Variants in MAGI2 observed in about 807,000 individuals in gnomAD.
MAGI2 encodes the protein membrane associated guanylate kinase, WW and PDZ domain containing 2, also known as membrane-associated guanylate kinase, WW and PDZ domain-containing protein 2.
Under a neutral mutation model 133.3 loss-of-function variants are expected in MAGI2, and 35 were observed. That is an observed-to-expected ratio of 0.26 (90% confidence interval 0.20 to 0.35). The LOEUF (loss-of-function observed/expected upper bound fraction) is 0.35. Among genes scored for constraint, MAGI2 ranks in the 10% least tolerant of loss-of-function variants. The probability of loss-of-function intolerance (pLI) is 1.00; values close to 1 mark genes in which losing one functional copy is unlikely to be tolerated. For missense variants in MAGI2, 1,636 were observed against 1,863.4 expected (o/e 0.88, Z 2.25); for synonymous variants, 729 against 710.6 (o/e 1.03, Z -0.41).
chr7:78,630,711 G>A (rs1211821151), intron 2 of MAGI2, among the ~76,000 whole-genome samples: 4 of 151,792 alleles, frequency 2.6e-5, no homozygotes, highest in African/African-American at 4.8e-5. Context: ...CACTGCGCCC[G>A]GCTGTGTGTA....
chr7:78,361,219 C>T (rs533473979), intron 7 of MAGI2, among the ~76,000 whole-genome samples: 1 of 152,182 alleles, frequency 6.6e-6, no homozygotes, highest in South Asian at 2.1e-4. Context: ...GATGGTGAAA[C>T]CCCGTTTCTA....
rs115898964 is a variant in MAGI2, at chr7:78,580,892, C to T, written c.538+46228G>A. On this transcript the variant is annotated intron_variant, in intron 3 of 21. Transcript: ENST00000354212. ...ACTGAGTAGACAAACAAACATCCCA[C>T]ACCCTTCCCCATCCCAATCAAGATA... is the stretch of plus-strand genomic sequence containing the variant. Among the ~76,000 whole-genome samples, 1,162 of 152,338 alleles carry T rather than the reference C, an allele frequency of 7.6e-3. 14 individuals are homozygous for T. Among genetic ancestry groups the T allele is most frequent in the African/African-American group, 0.027 (1,103 of 41,566 alleles).
intron 3 of MAGI2, among the ~76,000 whole-genome samples, chr7:78,606,909 C>G (rs986551562): frequency 3.3e-5 from 5 of 152,096 alleles, no homozygotes; most frequent in Non-Finnish European, 5.9e-5. Context: ...AAAAAGACCT[C>G]CCAATTTCTA....
At chr7:79,090,943 C>T (rs777985026) in intron 1 of MAGI2, among the ~76,000 whole-genome samples, 2 of 152,022 alleles carry the variant, frequency 1.3e-5, no homozygotes, top group African/African-American at 2.4e-5. Flanking sequence ...CAGCTCAGCA[C>T]CTAGTTTGTC....
intron 2 of MAGI2, among the ~76,000 whole-genome samples, chr7:78,682,131 CAATA>C (rs1460077802): frequency 4.0e-5 from 6 of 151,836 alleles, no homozygotes; most frequent in African/African-American, 4.8e-5. Context: ...TTCTATCTTC[CAATA>C]AATAAATATT....
At chr7:79,373,768 A>G (rs1843203897) in intron 1 of MAGI2, among the ~76,000 whole-genome samples, 1 of 152,080 alleles carries the variant, frequency 6.6e-6, no homozygotes, top group Non-Finnish European at 1.5e-5. Flanking sequence ...GCTGGTGGAA[A>G]TAACACTGGC....
intron 1 of MAGI2, among the ~76,000 whole-genome samples, chr7:79,445,958 C>T (rs1276300829): frequency 6.6e-6 from 1 of 152,176 alleles, no homozygotes; most frequent in Non-Finnish European, 1.5e-5. Context: ...AAATGTGGCA[C>T]ATATACACCA....
intron 20 of MAGI2, among the ~76,000 whole-genome samples, chr7:78,124,861 C>CTTTTTTTTTTT (rs10707820): frequency 7.3e-6 from 1 of 137,430 alleles, no homozygotes; most frequent in Non-Finnish European, 1.6e-5. Flanking sequence ...TAGCTGCTGT[C>CTTTTTTTTTTT]TTTTTTTTTT....
chr7:79,170,919 TTA>T (rs949556195), intron 1 of MAGI2, among the ~76,000 whole-genome samples: 32 of 152,138 alleles, frequency 2.1e-4, no homozygotes, highest in Non-Finnish European at 4.0e-4. Context: ...AGCTTAACAT[TTA>T]TATTGTGTTG....
At chr7:78,943,261 C>T (rs1278503061) in intron 2 of MAGI2, among the ~76,000 whole-genome samples, 1 of 151,826 alleles carries the variant, frequency 6.6e-6, no homozygotes, top group African/African-American at 2.4e-5. Flanking sequence ...AGTTATTGAC[C>T]CGATTTTTTA....
At chr7:79,210,199 A>T (rs1391841969) in intron 1 of MAGI2, among the ~76,000 whole-genome samples, 1 of 152,096 alleles carries the variant, frequency 6.6e-6, no homozygotes, top group Non-Finnish European at 1.5e-5. Context: ...GAAAAAATGG[A>T]TGAGTGTGAC....
intron 2 of MAGI2, among the ~76,000 whole-genome samples, chr7:78,670,329 A>G (rs970117457): frequency 6.6e-6 from 1 of 152,198 alleles, no homozygotes; most frequent in Non-Finnish European, 1.5e-5. Flanking sequence ...CAATTGCTTC[A>G]AAGAGAATAA....
At chr7:78,897,645 T>G (rs1239281266) in intron 2 of MAGI2, among the ~76,000 whole-genome samples, 1 of 152,216 alleles carries the variant, frequency 6.6e-6, no homozygotes, top group African/African-American at 2.4e-5. Context: ...AATTTTAAAA[T>G]GTTTTTTTCT....
At chr7:78,563,438 T>C (rs970191465) in intron 3 of MAGI2, among the ~76,000 whole-genome samples, 2 of 152,172 alleles carry the variant, frequency 1.3e-5, no homozygotes, top group African/African-American at 4.8e-5. Context: ...CCATTAGCTT[T>C]ATGATGCAAA....
intron 1 of MAGI2, among the ~76,000 whole-genome samples, chr7:79,055,765 T>A (rs1813096245): frequency 6.6e-6 from 1 of 152,348 alleles, no homozygotes; most frequent in South Asian, 2.1e-4. Context: ...TCTGAGTTTT[T>A]GTTTTCCTAG....
intron 1 of MAGI2, among the ~76,000 whole-genome samples, chr7:79,200,079 A>T (rs1195255882): frequency 6.6e-6 from 1 of 151,482 alleles, no homozygotes; most frequent in Non-Finnish European, 1.5e-5. Flanking sequence ...CAATTACAGG[A>T]CTACCAAGAA....
chr7:78,728,809 C>T (rs1378556878), intron 2 of MAGI2, among the ~76,000 whole-genome samples: 1 of 124,870 alleles, frequency 8.0e-6, no homozygotes, highest in African/African-American at 2.8e-5. Flanking sequence ...TCGTGATCCG[C>T]CCGCCTCGGC....
chr7:78,362,216 CGCTTGAACCT>C (rs1792893915), intron 7 of MAGI2, among the ~76,000 whole-genome samples: 1 of 151,994 alleles, frequency 6.6e-6, no homozygotes, highest in South Asian at 2.1e-4. Context: ...GCACGAGAAT[CGCTTGAACCT>C]GGGAGGCGGA....
At chr7:79,155,509 T>C (rs1275288770) in intron 1 of MAGI2, among the ~76,000 whole-genome samples, 4 of 152,052 alleles carry the variant, frequency 2.6e-5, no homozygotes, top group Non-Finnish European at 5.9e-5. Context: ...ACACCATGGT[T>C]CCATAAGCCC....
Sources: allele counts gnomAD v4.1 joint callset (sites outside exome capture counted in the v4.1 genomes callset), GRCh38; gene constraint gnomAD v4.1.1; transcripts MANE v1.5; gene names NCBI Gene and HGNC (gene_info 2026-07-23, HGNC 2026-07-21).